Variants in SMYD4 observed in about 807,000 individuals in gnomAD.
SMYD4 encodes the protein protein-lysine N-methyltransferase SMYD4.
SMYD4 carries 68 observed loss-of-function variants against 72.8 expected under a neutral mutation model. The ratio of observed to expected loss-of-function variants is 0.93; its 90% CI spans 0.77 to 1.14. The LOEUF (loss-of-function observed/expected upper bound fraction) is 1.14. SMYD4 is among the 50% of genes most tolerant of loss of function. The pLI is 0.00. For missense variants in SMYD4, 984 were observed against 1,003.7 expected (o/e 0.98, Z 0.27); for synonymous variants, 407 against 388.6 (o/e 1.05, Z -0.56).
chr17:1,816,385 C>T (rs188908129), intron 2 of SMYD4, among the ~76,000 whole-genome samples: 14 of 151,660 alleles, frequency 9.2e-5, no homozygotes, highest in African/African-American at 2.2e-4. Flanking sequence ...TTTGGGAGGC[C>T]GAGGCGGGTG....
intron 5 of SMYD4, among the ~76,000 whole-genome samples, chr17:1,794,711 G>C (rs1021411354): frequency 6.9e-6 from 1 of 145,500 alleles, no homozygotes; most frequent in Non-Finnish European, 1.5e-5. Context: ...AAATCTGACA[G>C]TACCAAGACC....
At chr17:1,812,451 C>T (rs1313790642) in intron 2 of SMYD4, among the ~76,000 whole-genome samples, 1 of 151,794 alleles carries the variant, frequency 6.6e-6, no homozygotes, top group Non-Finnish European at 1.5e-5. Flanking sequence ...TGCCACCAGG[C>T]CTGGCTAATG....
At chr17:1,807,567 T>G (rs1015291687) in intron 3 of SMYD4, among the ~76,000 whole-genome samples, 1 of 152,018 alleles carries the variant, frequency 6.6e-6, no homozygotes, top group Non-Finnish European at 1.5e-5. Context: ...TTCGCCCTTT[T>G]GGCCAGGCTG....
chr17:1,815,460 A>C (rs563920825), intron 2 of SMYD4, among the ~76,000 whole-genome samples: 14 of 151,246 alleles, frequency 9.3e-5, no homozygotes, highest in Admixed American at 8.6e-4. Flanking sequence ...TTGGCCTCCC[A>C]AAGTGTTAGG....
intron 10 of SMYD4, 27 bp downstream of exon 10, chr17:1,783,008 G>A (rs372495324): frequency 2.2e-5 from 36 of 1,610,326 alleles, no homozygotes; most frequent in East Asian, 8.9e-5. Context: ...AACAGTGTGT[G>A]CCCTGTGAAG....
intron 2 of SMYD4, among the ~76,000 whole-genome samples, chr17:1,812,812 G>C (rs550555958): frequency 1.1e-4 from 16 of 151,840 alleles, no homozygotes; most frequent in Non-Finnish European, 2.1e-4. Flanking sequence ...CCCTCCCAAA[G>C]TGCTGGGAAT....
intron 5 of SMYD4, among the ~76,000 whole-genome samples, chr17:1,794,105 A>ATATTTTTT (rs1291818005): frequency 7.7e-5 from 1 of 12,992 alleles, no homozygotes; most frequent in Non-Finnish European, 1.4e-4. Flanking sequence ...ATATATATAT[A>ATATTTTTT]TTTTTTTTTT....
Position 1,783,477 on chromosome 17 carries a change from C to G in SMYD4, c.2021-1G>C. ...CCCGACAGCCGCTGAACAGCTCGCT[C>G]TGTCAATGCAGAGGAAAGACGTCTC... On this transcript the variant is annotated splice_acceptor_variant, in intron 8 of 10. Coordinates refer to ENST00000305513, the MANE Select transcript of SMYD4 (RefSeq NM_052928.3). LOFTEE classifies it high-confidence loss of function. 1.9e-6 allele frequency: 3 copies of G among 1,603,942 alleles called. No individual in the cohort carries two copies. The highest frequency in any genetic ancestry group is 2.2e-5 in the South Asian group (2 of 89,874).
At chr17:1,785,318 C>T (rs577032905) in intron 7 of SMYD4, among the ~76,000 whole-genome samples, 47 of 148,366 alleles carry the variant, frequency 3.2e-4, no homozygotes, top group Non-Finnish European at 4.9e-4. Flanking sequence ...CTCACCTACT[C>T]GGGAGGCTGA....
intron 2 of SMYD4, among the ~76,000 whole-genome samples, chr17:1,826,117 C>T (rs1443844089): frequency 1.3e-5 from 2 of 152,010 alleles, no homozygotes; most frequent in Admixed American, 6.6e-5. Context: ...ATGAAGATCT[C>T]CTACAAATGA....
At chr17:1,811,922 G>T in intron 3 of SMYD4, 49 bp downstream of exon 3, 1 of 1,595,808 alleles carries the variant, frequency 6.3e-7, no homozygotes, top group Non-Finnish European at 8.5e-7. Flanking sequence ...GCAAGATTCT[G>T]TCTCAGAGAA....
At chr17:1,812,287 C>G (rs1910368362) in intron 2 of SMYD4, among the ~76,000 whole-genome samples, 172 bp from the exon 3 acceptor site, 2 of 152,130 alleles carry the variant, frequency 1.3e-5, no homozygotes, top group Admixed American at 1.3e-4. Flanking sequence ...CTCAGAGACA[C>G]AGGGACCAGA....
At chr17:1,799,008 A>G (rs1909555809) in intron 5 of SMYD4, among the ~76,000 whole-genome samples, 1 of 152,152 alleles carries the variant, frequency 6.6e-6, no homozygotes, top group African/African-American at 2.4e-5. Flanking sequence ...ACGGTGGCTC[A>G]TGCCTATAAT....
chr17:1,786,738 C>T, intron 7 of SMYD4, 72 bp downstream of exon 7: 2 of 1,592,630 alleles, frequency 1.3e-6, no homozygotes, highest in Non-Finnish European at 1.7e-6. Context: ...TGGCTTCCTC[C>T]TAAACACTGA....
chr17:1,815,366 T>C (rs564137328), intron 2 of SMYD4, among the ~76,000 whole-genome samples: 2 of 152,028 alleles, frequency 1.3e-5, no homozygotes, highest in African/African-American at 4.8e-5. Context: ...CCCAGAATAC[T>C]TTTTTGATTT....
intron 2 of SMYD4, among the ~76,000 whole-genome samples, chr17:1,817,382 G>A (rs1221241904): frequency 1.3e-5 from 2 of 152,036 alleles, no homozygotes; most frequent in Admixed American, 1.3e-4. Context: ...TGTCGCCCAG[G>A]CTGGAGTGTA....
At chr17:1,799,798 C>A in intron 5 of SMYD4, 59 bp downstream of exon 5, 1 of 1,457,866 alleles carries the variant, frequency 6.9e-7, no homozygotes, top group South Asian at 1.4e-5. Flanking sequence ...TGTTTCTTCT[C>A]AAACACCTGC....
chr17:1,827,990 T>C lies in SMYD4; in HGVS notation c.5A>G (p.Asp2Gly), dbSNP rs762970911. 1.2e-6 allele frequency: 2 copies of C among 1,608,518 alleles called. No homozygotes were observed. The highest frequency in any genetic ancestry group is 1.7e-6 in the Non-Finnish European group (2 of 1,175,360). Residue 2 changes from aspartate to glycine, a missense_variant, in exon 2 of 11, where the codon GAT becomes GGT. Transcript: ENST00000305513. ...TGATTTCCATTCATCCACAGGCAGA[T>C]CCATGCTGCTTTTGATCTATAAAAT... is the stretch of plus-strand genomic sequence containing the variant. Reference protein sequence around the residue: MDLPVDEWKSYL... With the variant: MGLPVDEWKSYL...
At chr17:1,815,309 G>A (rs900940318) in intron 2 of SMYD4, among the ~76,000 whole-genome samples, 27 of 151,914 alleles carry the variant, frequency 1.8e-4, no homozygotes, top group African/African-American at 6.5e-4. Context: ...TGATCCACCC[G>A]CCTTGGCCTC....
Sources: allele counts gnomAD v4.1 joint callset (sites outside exome capture counted in the v4.1 genomes callset), GRCh38; gene constraint gnomAD v4.1.1; transcripts MANE v1.5; gene names NCBI Gene and HGNC (gene_info 2026-07-23, HGNC 2026-07-21).